The following KPNA6 variants were observed in gnomAD, a reference collection of about 807,000 sequenced individuals.
KPNA6 encodes karyopherin subunit alpha 6.
Under a neutral mutation model 72.0 loss-of-function variants are expected in KPNA6, and 9 were observed. That is an observed-to-expected ratio of 0.13 (90% CI 0.08 to 0.22). The LOEUF is 0.22. Among genes scored for constraint, KPNA6 ranks in the 10% least tolerant of loss-of-function variants. The pLI, the probability that KPNA6 is intolerant of heterozygous loss-of-function variation, is 1.00. For missense variants in KPNA6, 374 were observed against 655.7 expected (o/e 0.57, Z 4.69); for synonymous variants, 219 against 242.1 (o/e 0.90, Z 0.89).
chr1:32,157,013 G>T, intron 3 of KPNA6, 68 bp downstream of exon 3: 1 of 1,131,708 alleles, frequency 8.8e-7, no homozygotes, highest in Non-Finnish European at 1.3e-6. Context: ...AAATTGGGCC[G>T]TTCACATCAT....
Position 32,140,103 on chromosome 1 carries a change from A to T in KPNA6, c.5-14485A>T, listed in dbSNP as rs752171624. Among the ~76,000 whole-genome samples, 3 of 152,214 alleles carry T rather than the reference A, an allele frequency of 2.0e-5. No individual in the cohort carries two copies. The East Asian group carries it at 5.8e-4, about 29-fold the overall frequency. ...ATGCTGTTGTGGTTATATAAGAAGA[A>T]GGTCCTGGGCCTGGCTCACGCCTGT... On this transcript the variant is annotated intron_variant, in intron 1 of 13. Coordinates refer to ENST00000373625, the MANE Select transcript of KPNA6 (RefSeq NM_012316.5).
At chr1:32,143,749 C>T (rs1360993244) in intron 1 of KPNA6, among the ~76,000 whole-genome samples, 1 of 152,058 alleles carries the variant, frequency 6.6e-6, no homozygotes, top group African/African-American at 2.4e-5. Context: ...ACCCACTAAG[C>T]GATAACTCCC....
Position 32,170,935 on chromosome 1 carries a change from A to T in KPNA6, c.*41A>T. On this transcript the variant is annotated 3_prime_UTR_variant, in exon 14 of 14. Coordinates refer to ENST00000373625, the MANE Select transcript of KPNA6 (RefSeq NM_012316.5). ...AGGGGAGGGGATGGGAAGCACCACCAGCCAGCGGAAGAGCAGCCCTCTGGT... is the reference window on the plus strand; with the variant it reads ...AGGGGAGGGGATGGGAAGCACCACCTGCCAGCGGAAGAGCAGCCCTCTGGT... 6.3e-7 allele frequency: 1 copy of T among 1,578,018 alleles called. No homozygotes were observed. Among genetic ancestry groups the T allele is most frequent in the Admixed American group, 1.7e-5 (1 of 59,900 alleles).
intron 2 of KPNA6, among the ~76,000 whole-genome samples, chr1:32,155,130 A>G (rs932559153): frequency 3.6e-4 from 54 of 150,422 alleles, no homozygotes; most frequent in African/African-American, 1.1e-3. Context: ...AAAAAAAAAA[A>G]AAAGAAAAGT....
intron 1 of KPNA6, among the ~76,000 whole-genome samples, chr1:32,148,758 C>G (rs1641976625): frequency 1.3e-5 from 2 of 151,860 alleles, no homozygotes; most frequent in Non-Finnish European, 2.9e-5. Context: ...GGGGTTTCAC[C>G]ATATTGGCCA....
intron 1 of KPNA6, among the ~76,000 whole-genome samples, chr1:32,138,316 G>A (rs1474554664): frequency 2.0e-5 from 3 of 151,650 alleles, no homozygotes; most frequent in Admixed American, 6.6e-5. Context: ...AGGCCAAGGC[G>A]GGTGGATCAT....
chr1:32,111,966 C>T (rs1641250205), intron 1 of KPNA6, among the ~76,000 whole-genome samples: 1 of 152,184 alleles, frequency 6.6e-6, no homozygotes, highest in South Asian at 2.1e-4. Flanking sequence ...ACTGTGCTAA[C>T]TGGGAATCTG....
rs879635345 is a variant in KPNA6, at chr1:32,171,018, CTG to C, written c.*127_*128del. The C allele has an allele frequency of 1.6e-4, 136 of 834,530 alleles. No homozygotes were observed. The highest frequency in any genetic ancestry group is 2.6e-4 in the South Asian group (16 of 62,052). The allele number at this position is 834,530 out of a possible 1,614,324, so 51.7% of individuals were successfully genotyped here. A position where few individuals can be genotyped will look rare whatever the true frequency, so the allele number is the denominator to read the frequency against. ...CCACACACCTCTGCTGCCCTGGAGA[CTG>C]TGCTCTTGACCTGCTCCGCCCCCTT... is the stretch of plus-strand genomic sequence containing the variant. On this transcript the variant is annotated 3_prime_UTR_variant, in exon 14 of 14. Coordinates refer to ENST00000373625, the MANE Select transcript of KPNA6 (RefSeq NM_012316.5).
intron 1 of KPNA6, among the ~76,000 whole-genome samples, chr1:32,135,674 C>T (rs1305670319): frequency 6.7e-6 from 1 of 149,744 alleles, no homozygotes; most frequent in Non-Finnish European, 1.5e-5. Flanking sequence ...AATTATTTTG[C>T]CCAGACTAGT....
chr1:32,141,200 G>A (rs1174516772), intron 1 of KPNA6, among the ~76,000 whole-genome samples: 1 of 151,830 alleles, frequency 6.6e-6, no homozygotes, highest in Non-Finnish European at 1.5e-5. Context: ...TGGTGGTGGA[G>A]GGGAGGCTCA....
intron 1 of KPNA6, among the ~76,000 whole-genome samples, chr1:32,115,531 A>T (rs1172427233): frequency 1.3e-5 from 2 of 150,220 alleles, no homozygotes; most frequent in East Asian, 4.0e-4. Context: ...GGCTCAAGGG[A>T]TCCCCCCACG....
At chr1:32,162,960 C>T (rs1160001789) in intron 9 of KPNA6, among the ~76,000 whole-genome samples, 3 of 147,396 alleles carry the variant, frequency 2.0e-5, no homozygotes, top group Non-Finnish European at 3.0e-5. Context: ...AAAAATTAGC[C>T]GGGCGTGGTG....
chr1:32,142,542 C>G (rs150496602), intron 1 of KPNA6, among the ~76,000 whole-genome samples: 385 of 152,218 alleles, frequency 2.5e-3, no homozygotes, highest in African/African-American at 8.8e-3. Flanking sequence ...AGGCCCCTAC[C>G]TATTTTGTAT....
intron 1 of KPNA6, among the ~76,000 whole-genome samples, chr1:32,144,742 C>G (rs1192182069): frequency 6.6e-6 from 1 of 151,956 alleles, no homozygotes; most frequent in Non-Finnish European, 1.5e-5. Flanking sequence ...CCTCCACCTT[C>G]CAGGTACAAG....
rs1642523451 is a variant in KPNA6, at chr1:32,176,089, C to T, written c.*5195C>T. The stretch of plus-strand genomic sequence containing the variant: ...CCAGCCTGGGCGACAGGGTGAGGCT[C>T]TTGTCTCAAAAAAAAAAGTCCACAT... On this transcript the variant is annotated 3_prime_UTR_variant, in exon 14 of 14. Coordinates refer to ENST00000373625, the MANE Select transcript of KPNA6 (RefSeq NM_012316.5). The T allele has an allele frequency of 6.6e-6, 1 of 151,572 alleles. No homozygotes were observed. The highest frequency in any genetic ancestry group is 2.4e-5 in the African/African-American group (1 of 41,188). The allele number at this position is 151,572 out of a possible 1,614,324, so 9.4% of individuals were successfully genotyped here.
chr1:32,137,250 C>G (rs1424453859), intron 1 of KPNA6, among the ~76,000 whole-genome samples: 1 of 152,146 alleles, frequency 6.6e-6, no homozygotes, highest in East Asian at 1.9e-4. Context: ...CAGCACGGCT[C>G]ACTGTAGTCT....
chr1:32,115,783 G>C (rs1267790800), intron 1 of KPNA6, among the ~76,000 whole-genome samples: 1 of 151,306 alleles, frequency 6.6e-6, no homozygotes, highest in East Asian at 2.0e-4. Flanking sequence ...TCTCACTGTC[G>C]CCCAGGCTGG....
In KPNA6 at chr1:32,173,659, G is replaced by A. The variant is rs907610681; in HGVS notation, c.*2765G>A. On this transcript the variant is annotated 3_prime_UTR_variant, in exon 14 of 14. Coordinates refer to ENST00000373625, the MANE Select transcript of KPNA6 (RefSeq NM_012316.5). ...TCCTCTCCTTTGGCCATGTAATGAAGCAAAATATTATTTATTTAGCCCAGG... is the reference window on the plus strand; with the variant it reads ...TCCTCTCCTTTGGCCATGTAATGAAACAAAATATTATTTATTTAGCCCAGG... 1.3e-5 allele frequency: 2 copies of A among 152,204 alleles called. No homozygotes were observed. Among genetic ancestry groups the A allele is most frequent in the African/African-American group, 4.8e-5 (2 of 41,426 alleles). 9.4% of individuals were successfully genotyped at this position (152,204 alleles called of 1,614,324 possible).
intron 1 of KPNA6, among the ~76,000 whole-genome samples, chr1:32,129,187 A>G (rs542219488): frequency 3.6e-5 from 5 of 138,964 alleles, no homozygotes; most frequent in African/African-American, 1.4e-4. Flanking sequence ...TTTTTGAGAC[A>G]GGCTCTAGCT....
Sources: gnomAD v4.1 joint callset for allele counts (sites outside exome capture counted in the v4.1 genomes callset) on GRCh38, gnomAD v4.1.1 for gene constraint, MANE v1.5 for transcripts, NCBI Gene and HGNC (gene_info 2026-07-23, HGNC 2026-07-21) for gene names.